The following KCNN2 variants were observed in gnomAD, a reference collection of about 807,000 sequenced individuals.
The protein encoded by KCNN2 is potassium calcium-activated channel subfamily N member 2.
KCNN2 carries 24 observed loss-of-function variants against 55.5 expected under a neutral mutation model. The observed-to-expected ratio is 0.43, with a 90% CI of 0.31 to 0.61. The LOEUF (loss-of-function observed/expected upper bound fraction) is 0.61, where lower values mean the gene tolerates loss of function less well. Ranked by LOEUF, KCNN2 falls within the 20% of genes least tolerant of loss-of-function variation. The pLI is 0.08. For missense variants in KCNN2, 754 were observed against 853.6 expected, an observed-to-expected ratio of 0.88 and a Z score of 1.45; for synonymous variants, 431 against 336.1, an observed-to-expected ratio of 1.28 and a Z score of -3.09.
intron 1 of KCNN2, among the ~76,000 whole-genome samples, chr5:114,163,308 C>G (rs1397335536): frequency 6.6e-6 from 1 of 152,104 alleles, no homozygotes; most frequent in Non-Finnish European, 1.5e-5. Context: ...ATTGCCCTGG[C>G]CGGAACTTCC....
chr5:114,091,526 A>G (rs978286980), intron 1 of KCNN2, among the ~76,000 whole-genome samples: 10 of 152,218 alleles, frequency 6.6e-5, no homozygotes, highest in Admixed American at 1.3e-4. Flanking sequence ...ATGAACAGAT[A>G]AATTCCTTTT....
intron 1 of KCNN2, among the ~76,000 whole-genome samples, chr5:114,156,448 A>G (rs536722594): frequency 2.7e-4 from 41 of 152,092 alleles, no homozygotes; most frequent in Non-Finnish European, 5.7e-4. Flanking sequence ...TGGGAGTAGC[A>G]CTGAATCTAT....
intron 3 of KCNN2, among the ~76,000 whole-genome samples, chr5:114,434,095 G>C (rs1473603632): frequency 1.3e-5 from 2 of 151,360 alleles, no homozygotes; most frequent in African/African-American, 4.9e-5. Flanking sequence ...TTTGTCTTCT[G>C]CCCTTCTTCT....
intron 3 of KCNN2, among the ~76,000 whole-genome samples, chr5:114,456,043 G>A (rs374704318): frequency 3.3e-5 from 5 of 152,200 alleles, no homozygotes; most frequent in South Asian, 2.1e-4. Context: ...AGCTAAGATC[G>A]TTGAAGGTGG....
At chr5:114,057,267 T>C (rs1750231705) in intron 1 of KCNN2, 1 of 152,226 alleles carries the variant, frequency 6.6e-6, no homozygotes. Context: ...ACACCTGCTG[T>C]GTTTGTGGTA....
chr5:114,449,875 A>AACAGACACAC (rs1561390786), intron 3 of KCNN2, among the ~76,000 whole-genome samples: 1 of 57,230 alleles, frequency 1.7e-5, no homozygotes, highest in Admixed American at 2.5e-4. Flanking sequence ...TAAGCATCCA[A>AACAGACACAC]ACATACACAC....
At chr5:114,493,621 A>G in intron 7 of KCNN2, 149 bp downstream of exon 7, 1 of 637,306 alleles carries the variant, frequency 1.6e-6, no homozygotes, top group Non-Finnish European at 2.8e-6. Flanking sequence ...GGTCCAACTT[A>G]AAAGAATGTT....
At chr5:114,300,862 A>T (rs1756140153) in intron 2 of KCNN2, among the ~76,000 whole-genome samples, 1 of 152,188 alleles carries the variant, frequency 6.6e-6, no homozygotes, top group Non-Finnish European at 1.5e-5. Flanking sequence ...ACTGTCCTGA[A>T]TTTTAGCGCT....
At chr5:114,074,325 TGTGTGC>T (rs901076046) in intron 1 of KCNN2, among the ~76,000 whole-genome samples, 12 of 142,248 alleles carry the variant, frequency 8.4e-5, no homozygotes, top group Non-Finnish European at 1.2e-4. Context: ...TGTGTGTGTG[TGTGTGC>T]GCGCGCGCGC....
rs1219220191 is a variant in KCNN2 at position 114,363,198 on chromosome 5, C to T, written c.1059C>T (p.Phe353=). 3.7e-6 allele frequency: 6 copies of T among 1,613,262 alleles called. No individual in the cohort carries two copies. The highest frequency in any genetic ancestry group is 1.3e-5 in the African/African-American group (1 of 74,942). The part of the protein sequence containing the change: ...RKRLSDYALI[F]GMFGIVVMVI... ...GGCTCAGCGACTACGCGCTCATCTT[C>T]GGCATGTTCGGCATCGTGGTCATGG... Residue 353 remains phenylalanine, a synonymous_variant, in exon 1 of 8, where the codon TTC becomes TTT. Transcript: ENST00000673685.
intron 2 of KCNN2, among the ~76,000 whole-genome samples, chr5:114,351,538 C>T (rs1228061353): frequency 1.3e-5 from 2 of 151,658 alleles, no homozygotes; most frequent in African/African-American, 4.8e-5. Flanking sequence ...AAGGGAAAAG[C>T]CATTTAGTCT....
chr5:114,409,458 T>G (rs1759054865), intron 3 of KCNN2, among the ~76,000 whole-genome samples: 1 of 152,214 alleles, frequency 6.6e-6, no homozygotes, highest in Non-Finnish European at 1.5e-5. Flanking sequence ...CAATACTAAA[T>G]ATAACACACA....
In KCNN2 at chr5:114,363,066, C is replaced by T. The variant is rs368298090; in HGVS notation, c.927C>T (p.Gly309=). 421 of 1,608,984 alleles carry T rather than the reference C, an allele frequency of 2.6e-4. 7 individuals are homozygous for T. In the South Asian group the frequency reaches 3.5e-3, roughly 13 times the overall value. The change falls in exon 1 of 8, where the codon GGC becomes GGT. Residue 309 remains glycine, a synonymous_variant. Transcript: ENST00000673685. Reference sequence around the variant, plus strand: ...GCACTGGAGGAGGCGGCGGCGGTGGCGGGAGCGGGCACGGCAGCAGCAGTG... The same window carrying T: ...GCACTGGAGGAGGCGGCGGCGGTGGTGGGAGCGGGCACGGCAGCAGCAGTG... ...GGSTGGGGGG[G]GSGHGSSSGT... is the part of the protein sequence containing the mutation.
chr5:114,429,065 A>G (rs1053158316), intron 3 of KCNN2, among the ~76,000 whole-genome samples: 9 of 152,222 alleles, frequency 5.9e-5, no homozygotes, highest in Non-Finnish European at 4.4e-5. Context: ...TAAGTTTTCA[A>G]GTCATTTGGA....
rs576532789 is a variant in KCNN2 at position 114,124,578 on chromosome 5, C to T, written c.-271+68078C>T. ...TCACCTCTGTTAACTTCCCTTCCCA[C>T]CACATTACCTGTCTGACCTCATCTC... On this transcript the variant is annotated intron_variant, in intron 1 of 10. Coordinates refer to the KCNN2 transcript ENST00000512097. 3.3e-5 allele frequency among the ~76,000 whole-genome samples: 5 copies of T among 152,306 alleles called. No homozygotes were observed. The East Asian group carries it at 5.8e-4, about 18-fold the overall frequency.
chr5:114,327,364 C>G (rs960604089), intron 2 of KCNN2, among the ~76,000 whole-genome samples: 1 of 152,182 alleles, frequency 6.6e-6, no homozygotes, highest in African/African-American at 2.4e-5. Context: ...AACCAAGCTG[C>G]CTTTCTAGAA....
chr5:114,153,907 A>G (rs1193373680), intron 1 of KCNN2, among the ~76,000 whole-genome samples: 3 of 152,104 alleles, frequency 2.0e-5, no homozygotes, highest in Non-Finnish European at 4.4e-5. Flanking sequence ...GTTTTCCTCA[A>G]TTGAAGGTCA....
intron 2 of KCNN2, among the ~76,000 whole-genome samples, chr5:114,262,434 GCCTTACGAA>G (rs978246210): frequency 4.6e-5 from 7 of 152,144 alleles, no homozygotes; most frequent in African/African-American, 1.7e-4. Context: ...GTTTATGTAA[GCCTTACGAA>G]CCTTTTTCAA....
chr5:114,201,052 G>T (rs147898719), intron 1 of KCNN2, among the ~76,000 whole-genome samples: 2 of 151,952 alleles, frequency 1.3e-5, no homozygotes, highest in African/African-American at 4.8e-5. Flanking sequence ...TGTGTGAGTG[G>T]GTTCTTAGGC....
Sources: gnomAD v4.1 joint callset for allele counts (sites outside exome capture counted in the v4.1 genomes callset) on GRCh38, gnomAD v4.1.1 for gene constraint, MANE v1.5 for transcripts, NCBI Gene and HGNC (gene_info 2026-07-23, HGNC 2026-07-21) for gene names.